CD163L1: variants seen among roughly 807,000 people sequenced by gnomAD.
CD163L1 encodes CD163 molecule like 1.
CD163L1 carries 124 observed loss-of-function variants against 165.4 expected under a neutral mutation model. The observed-to-expected ratio is 0.75, with a 90% CI of 0.65 to 0.87. The LOEUF (loss-of-function observed/expected upper bound fraction) is 0.87. Ranked by LOEUF, CD163L1 falls within the 40% of genes least tolerant of loss-of-function variation. The pLI is 0.00. For synonymous variants in CD163L1, 585 were observed against 662.2 expected, an observed-to-expected ratio of 0.88 and a Z score of 1.79; for missense variants, 1,525 against 1,799.9, an observed-to-expected ratio of 0.85 and a Z score of 2.76.
chr12:7,349,339 A>C (rs1946692433), intron 4 of CD163L1, among the ~76,000 whole-genome samples: 1 of 152,184 alleles, frequency 6.6e-6, no homozygotes, highest in Non-Finnish European at 1.5e-5. Flanking sequence ...ATTGAGTTAT[A>C]CTTTCCTCAA....
intron 4 of CD163L1, among the ~76,000 whole-genome samples, chr12:7,421,043 A>ATGTATG (rs1565808747): frequency 9.5e-6 from 1 of 105,328 alleles, no homozygotes; most frequent in African/African-American, 5.2e-5. Flanking sequence ...ATACGTGTAT[A>ATGTATG]TATATGTATA....
chr12:7,380,379 A>G lies in CD163L1; in HGVS notation c.2051-1081T>C, dbSNP rs1353534984. Among the ~76,000 whole-genome samples the G allele has an allele frequency of 5.0e-5, 7 of 140,626 alleles. No individual in the cohort carries two copies. The East Asian group carries it at 8.4e-4, about 17-fold the overall frequency. 92.3% of individuals were successfully genotyped at this position (140,626 alleles called of 152,430 possible). ...TGTGTATACGCGTATACATACATGTATGTGTGTATATGCGTATACACACAT... is the reference window on the plus strand; with the variant it reads ...TGTGTATACGCGTATACATACATGTGTGTGTGTATATGCGTATACACACAT... On this transcript the variant is annotated intron_variant, in intron 8 of 19. Transcript: ENST00000313599.
In CD163L1 at chr12:7,398,213, G is replaced by A. The variant is rs768469284; in HGVS notation, c.1729+51C>T. 3.9e-6 allele frequency: 6 copies of A among 1,528,808 alleles called. No homozygotes were observed. The South Asian group carries it at 6.2e-5, about 16-fold the overall frequency. 94.7% of individuals were successfully genotyped at this position (1,528,808 alleles called of 1,614,324 possible). The stretch of plus-strand genomic sequence containing the variant: ...TTATAGACCCAGAAGCCCTTCCTAT[G>A]AGGAATACTATTTCTCTTATCAGGA... On this transcript the variant is annotated intron_variant, in intron 7 of 19. Transcript: ENST00000313599. This position sits in a 1 kb window ranked among gnomAD's most constrained non-coding sequence, Gnocchi z 4.5.
chr12:7,410,605 A>C (rs1948119485), intron 4 of CD163L1, among the ~76,000 whole-genome samples: 1 of 94,924 alleles, frequency 1.1e-5, no homozygotes. Flanking sequence ...GTCCATATCC[A>C]AAAAAAAAAA....
chr12:7,320,168 T>C, the CD163L1 span, among the ~76,000 whole-genome samples: 1 of 152,226 alleles, frequency 6.6e-6, no homozygotes, highest in Admixed American at 6.5e-5. Flanking sequence ...TCTCTAGATT[T>C]AAGATGCCTA....
the CD163L1 span, chr12:7,320,954 G>C: frequency 1.4e-6 from 1 of 727,816 alleles, no homozygotes; most frequent in Non-Finnish European, 2.4e-6. Flanking sequence ...TCGGAGGACG[G>C]TCGTATGCAT....
the CD163L1 span, among the ~76,000 whole-genome samples, chr12:7,331,702 A>G: frequency 6.6e-6 from 1 of 152,250 alleles, no homozygotes; most frequent in African/African-American, 2.4e-5. Context: ...GCAAATTCCA[A>G]CAGACCTGCA....
chr12:7,332,663 ATT>A, the CD163L1 span, among the ~76,000 whole-genome samples: 1 of 151,964 alleles, frequency 6.6e-6, no homozygotes, highest in African/African-American at 2.4e-5. Flanking sequence ...TCAACCCAGA[ATT>A]TCATATCCAG....
downstream of CD163L1, among the ~76,000 whole-genome samples, chr12:7,345,239 C>T (rs1330529081): frequency 6.6e-6 from 1 of 151,424 alleles, no homozygotes; most frequent in Non-Finnish European, 1.5e-5. Context: ...CATTTCTTTG[C>T]TCCTGTAGCT....
Position 7,396,417 on chromosome 12 carries a change from T to G in CD163L1, c.1730-2A>C. ...GCCTCAGGCCCCATGTTGCATCACCTGCACCAAGAACAATGAAGCAAGTAG... is the reference window on the plus strand; with the variant it reads ...GCCTCAGGCCCCATGTTGCATCACCGGCACCAAGAACAATGAAGCAAGTAG... On this transcript the variant is annotated splice_acceptor_variant, in intron 7 of 19. Coordinates refer to ENST00000313599, the MANE Select transcript of CD163L1 (RefSeq NM_174941.6). LOFTEE classifies it high-confidence loss of function. 1 of 1,597,400 alleles carries G rather than the reference T, an allele frequency of 6.3e-7. No individual in the cohort carries two copies. The highest frequency in any genetic ancestry group is 8.6e-7 in the Non-Finnish European group (1 of 1,168,400).
At chr12:7,421,056 C>CGT (rs1491435568) in intron 4 of CD163L1, among the ~76,000 whole-genome samples, 5 of 73,086 alleles carry the variant, frequency 6.8e-5, no homozygotes, top group South Asian at 9.2e-4. Flanking sequence ...TATGTATATA[C>CGT]GTATATATGT....
rs114762492 is a variant in CD163L1 at position 7,398,691 on chromosome 12, A to T, written c.1409-107T>A. 153 of 888,054 alleles carry T rather than the reference A, an allele frequency of 1.7e-4. No individual in the cohort carries two copies. In the African/African-American group the frequency reaches 2.1e-3, roughly 12 times the overall value. 55.0% of individuals were successfully genotyped at this position (888,054 alleles called of 1,614,324 possible). A position where few individuals can be genotyped will look rare whatever the true frequency, so the allele number is the denominator to read the frequency against. Reference sequence around the variant, plus strand: ...ACTATAAGGCTTTGCCTAACAGGTGATATATTAGGCACACTTTTGAATGAA... The same window carrying T: ...ACTATAAGGCTTTGCCTAACAGGTGTTATATTAGGCACACTTTTGAATGAA... On this transcript the variant is annotated intron_variant, in intron 6 of 19. Transcript: ENST00000313599. This position sits in a 1 kb window ranked among gnomAD's most constrained non-coding sequence, Gnocchi z 4.5.
intron 3 of CD163L1, 31 bp downstream of exon 3, chr12:7,433,343 C>T: frequency 1.3e-6 from 2 of 1,549,924 alleles, no homozygotes; most frequent in East Asian, 4.5e-5. Flanking sequence ...GTAGGTCTTA[C>T]CTTGCCTTCC....
At chr12:7,353,017 C>G (rs774773701), downstream of CD163L1, among the ~76,000 whole-genome samples, 1 of 151,888 alleles carries the variant, frequency 6.6e-6, no homozygotes, top group African/African-American at 2.4e-5. Flanking sequence ...TAGAGAAAGA[C>G]TTCAAAGCAG....
At chr12:7,412,868 G>A (rs1278604656) in intron 4 of CD163L1, among the ~76,000 whole-genome samples, 5 of 152,006 alleles carry the variant, frequency 3.3e-5, no homozygotes, top group African/African-American at 4.8e-5. Context: ...AGGCCGAGGC[G>A]GGTAGATCAC....
chr12:7,319,978 CA>C, the CD163L1 span, among the ~76,000 whole-genome samples: 1 of 152,204 alleles, frequency 6.6e-6, no homozygotes, highest in Non-Finnish European at 1.5e-5. Flanking sequence ...GGAGCAGATA[CA>C]CATGGTAGAA....
At chr12:7,339,981 C>T in the CD163L1 span, among the ~76,000 whole-genome samples, 13 of 152,192 alleles carry the variant, frequency 8.5e-5, no homozygotes, top group African/African-American at 2.2e-4. Context: ...GGTGACATTA[C>T]GACCATGTGT....
At chr12:7,401,623 G>C (rs1311028618) in intron 6 of CD163L1, among the ~76,000 whole-genome samples, 1 of 151,918 alleles carries the variant, frequency 6.6e-6, no homozygotes, top group Non-Finnish European at 1.5e-5. Context: ...ATAAATTATA[G>C]TACATTTATG....
chr12:7,406,640 C>T lies in CD163L1; in HGVS notation c.979G>A (p.Asp327Asn). Reference protein sequence around the residue: ...LQSGSDVVWLDGVSCSGNESF... With the variant: ...LQSGSDVVWLNGVSCSGNESF... ...TCATTACCGGAGCAGGAGACACCAT[C>T]AAGCCATACAACATCAGACCCTGAC... is the stretch of plus-strand genomic sequence containing the variant. The change falls in exon 5 of 20, where the codon GAT (aspartate) becomes AAT (asparagine). Residue 327 changes from aspartate to asparagine, a missense_variant. Coordinates refer to ENST00000313599, the MANE Select transcript of CD163L1 (RefSeq NM_174941.6). 1 of 1,614,098 alleles carries T rather than the reference C, an allele frequency of 6.2e-7. No individual in the cohort carries two copies. The highest frequency in any genetic ancestry group is 8.5e-7 in the Non-Finnish European group (1 of 1,180,002).
Sources: allele counts gnomAD v4.1 joint callset (sites outside exome capture counted in the v4.1 genomes callset), GRCh38; gene constraint gnomAD v4.1.1; non-coding constraint Gnocchi (gnomAD v3.1); transcripts MANE v1.5; gene names NCBI Gene and HGNC (gene_info 2026-07-23, HGNC 2026-07-21).